The following DMD variants were observed in gnomAD, a reference collection of about 807,000 sequenced individuals.
The protein encoded by DMD is dystrophin, also known as mutant dystrophin.
DMD carries 63 observed loss-of-function variants against 330.1 expected under a neutral mutation model. That is an observed-to-expected ratio of 0.19 (90% CI 0.16 to 0.24). The LOEUF is 0.24. Ranked by LOEUF, DMD falls within the 10% of genes least tolerant of loss-of-function variation. The probability of loss-of-function intolerance (pLI) is 1.00; values close to 1 mark genes in which losing one functional copy is unlikely to be tolerated. For missense variants in DMD, 3,344 were observed against 2,684.1 expected (o/e 1.25, Z -5.43); for synonymous variants, 1,223 against 959.8 (o/e 1.27, Z -5.07).
chrX:32,369,667 T>A (rs181363768), intron 34 of DMD, among the ~76,000 whole-genome samples: 2 of 111,375 alleles, frequency 1.8e-5, no homozygotes, highest in African/African-American at 6.5e-5. Context: ...TTCACAAGTT[T>A]TCCAGTACCT....
At chrX:31,830,727 G>A (rs1317004464) in intron 49 of DMD, among the ~76,000 whole-genome samples, 2 of 112,026 alleles carry the variant, frequency 1.8e-5, no homozygotes, top group Non-Finnish European at 3.8e-5. Context: ...AAATAGCTCT[G>A]CTGATAGCTG....
intron 7 of DMD, among the ~76,000 whole-genome samples, chrX:32,768,759 T>C (rs1239331269): frequency 1.8e-5 from 2 of 112,082 alleles, no homozygotes; most frequent in Admixed American, 1.9e-4. Flanking sequence ...GACCACCAGA[T>C]AGTTTTATTT....
intron 41 of DMD, among the ~76,000 whole-genome samples, chrX:32,326,217 C>G (rs1281994921): frequency 2.7e-5 from 3 of 111,269 alleles, no homozygotes; most frequent in Non-Finnish European, 5.7e-5. Flanking sequence ...TGAGAGTTAC[C>G]CTGCATTCTA....
intron 62 of DMD, among the ~76,000 whole-genome samples, chrX:31,288,158 G>A (rs779496973): frequency 2.3e-4 from 26 of 111,667 alleles, no homozygotes; most frequent in Non-Finnish European, 4.5e-4. Flanking sequence ...AAAAAAGTGG[G>A]GGCGGGAGAG....
intron 1 of DMD, among the ~76,000 whole-genome samples, chrX:33,097,720 A>G (rs1603276398): frequency 2.8e-5 from 3 of 106,170 alleles, no homozygotes; most frequent in African/African-American, 3.5e-5. Flanking sequence ...GGCTCAAGCA[A>G]TTCTCCTGCC....
intron 44 of DMD, among the ~76,000 whole-genome samples, chrX:32,150,133 G>C (rs1207222773): frequency 8.9e-6 from 1 of 112,303 alleles, no homozygotes; most frequent in Non-Finnish European, 1.9e-5. Context: ...AAGCACAGCA[G>C]GGAAAATGTT....
At chrX:32,567,193 G>A (rs368559286) in intron 15 of DMD, among the ~76,000 whole-genome samples, 1 of 111,846 alleles carries the variant, frequency 8.9e-6, no homozygotes, top group African/African-American at 3.3e-5. Flanking sequence ...TTCACCTGGA[G>A]TATGTTATAG....
chrX:32,360,519 G>A, intron 37 of DMD, among the ~76,000 whole-genome samples: 1 of 111,109 alleles, frequency 9.0e-6, no homozygotes, highest in Non-Finnish European at 1.9e-5. Flanking sequence ...CAGGCACAGT[G>A]GTTCACGCTT....
At chrX:31,986,601 C>T (rs927129264) in intron 44 of DMD, among the ~76,000 whole-genome samples, 9 of 110,995 alleles carry the variant, frequency 8.1e-5, no homozygotes, top group African/African-American at 2.6e-4. Context: ...TTAGTAGAGA[C>T]GGGATTCACC....
intron 51 of DMD, among the ~76,000 whole-genome samples, chrX:31,770,432 C>T (rs1194232777): frequency 9.3e-6 from 1 of 107,007 alleles, no homozygotes; most frequent in Non-Finnish European, 2.0e-5. Flanking sequence ...AATCACAATT[C>T]CTCTGATATA....
At chrX:31,979,475 A>T (rs1157867102) in intron 44 of DMD, among the ~76,000 whole-genome samples, 1 of 112,538 alleles carries the variant, frequency 8.9e-6, no homozygotes, top group Non-Finnish European at 1.9e-5. Flanking sequence ...CTAAATGGCT[A>T]AATGAGTGAC....
chrX:31,814,415 G>A (rs1298581366), intron 50 of DMD, among the ~76,000 whole-genome samples: 14 of 99,884 alleles, frequency 1.4e-4, no homozygotes, highest in African/African-American at 4.4e-4. Flanking sequence ...CCCGGGAGGC[G>A]GAGCTTGCAG....
chrX:31,243,171 T>C (rs1482893167), intron 63 of DMD, among the ~76,000 whole-genome samples: 1 of 112,184 alleles, frequency 8.9e-6, no homozygotes, highest in Non-Finnish European at 1.9e-5. Flanking sequence ...ACCATATCTA[T>C]GGTATACATG....
At chrX:31,920,639 T>C (rs2094678227) in intron 47 of DMD, among the ~76,000 whole-genome samples, 1 of 112,646 alleles carries the variant, frequency 8.9e-6, no homozygotes. Context: ...AAGGAGTTAC[T>C]TAAAAATGCT....
At chrX:31,935,644 T>C (rs1195233150) in intron 45 of DMD, among the ~76,000 whole-genome samples, 1 of 111,656 alleles carries the variant, frequency 9.0e-6, no homozygotes, top group Non-Finnish European at 1.9e-5. Flanking sequence ...TTTTGCACAG[T>C]GTTCTGAATA....
intron 16 of DMD, among the ~76,000 whole-genome samples, chrX:32,565,312 T>G (rs2051561272): frequency 8.9e-6 from 1 of 111,941 alleles, no homozygotes; most frequent in African/African-American, 3.2e-5. Context: ...CTTGAAAAAT[T>G]TACTTTTCTT....
chrX:32,007,634 G>A (rs968791409), intron 44 of DMD, among the ~76,000 whole-genome samples: 1 of 111,040 alleles, frequency 9.0e-6, no homozygotes, highest in Admixed American at 9.6e-5. Flanking sequence ...GTAGGCTTTA[G>A]GTCCAAAGAT....
chrX:31,941,358 A>G (rs1201888835), intron 45 of DMD, among the ~76,000 whole-genome samples: 1 of 111,638 alleles, frequency 9.0e-6, no homozygotes, highest in Non-Finnish European at 1.9e-5. Context: ...TGTCAAGTTC[A>G]ATGGATGACT....
At chrX:32,796,314 A>G (rs920890123) in intron 7 of DMD, among the ~76,000 whole-genome samples, 1 of 111,546 alleles carries the variant, frequency 9.0e-6, no homozygotes, top group African/African-American at 3.3e-5. Flanking sequence ...CATTTTCTGC[A>G]CCAACATGAA....
Sources: allele counts gnomAD v4.1 joint callset (sites outside exome capture counted in the v4.1 genomes callset), GRCh38; gene constraint gnomAD v4.1.1; transcripts MANE v1.5; gene names NCBI Gene and HGNC (gene_info 2026-07-23, HGNC 2026-07-21).